NLGN4Y: variants seen among roughly 807,000 people sequenced by gnomAD.
The protein encoded by NLGN4Y is neuroligin 4 Y-linked, also known as neuroligin-4, Y-linked.
Under a neutral mutation model 8.4 loss-of-function variants are expected in NLGN4Y, and 4 were observed. The ratio of observed to expected loss-of-function variants is 0.48; its 90% CI spans 0.23 to 1.09. NLGN4Y has a LOEUF of 1.09. Among genes scored for constraint, NLGN4Y ranks in the 50% least tolerant of loss-of-function variants. NLGN4Y has a pLI of 0.19. For synonymous variants in NLGN4Y, 35 were observed against 75.6 expected, an observed-to-expected ratio of 0.46 and a Z score of 2.78; for missense variants, 90 against 192.3, an observed-to-expected ratio of 0.47 and a Z score of 3.15.
At chrY:14,700,795 C>A (rs758509759) in intron 2 of NLGN4Y, among the ~76,000 whole-genome samples, 16 of 33,251 alleles carry the variant, frequency 4.8e-4, no homozygotes, top group Non-Finnish European at 8.9e-4. Flanking sequence ...TGGAATAGTG[C>A]CTTGAATGCA....
At position 14,706,656 on chromosome Y, in the gene NLGN4Y, G is replaced by A. The variant is rs2080878932; in HGVS notation, c.473-12803G>A. ...TGCTCATTACATCAGAAAGTCCCTCGTGGAAATAGTTCCTCATAGAAAGGA... is the reference window on the plus strand; with the variant it reads ...TGCTCATTACATCAGAAAGTCCCTCATGGAAATAGTTCCTCATAGAAAGGA... On this transcript the variant is annotated intron_variant, in intron 2 of 6. Coordinates refer to ENST00000684976, the MANE Select transcript of NLGN4Y (RefSeq NM_001365588.1). Among the ~76,000 whole-genome samples, 4 of 30,377 alleles carry A rather than the reference G, an allele frequency of 1.3e-4. No individual in the cohort carries two copies. The East Asian group carries it at 2.7e-3, about 20-fold the overall frequency. The allele number at this position is 30,377 out of a possible 37,273, so 81.5% of individuals were successfully genotyped here.
chrY:14,532,256 G>A (rs2080117409), intron 1 of NLGN4Y, among the ~76,000 whole-genome samples: 1 of 32,304 alleles, frequency 3.1e-5, no homozygotes, highest in African/African-American at 1.2e-4. Context: ...CAGTGTGTTC[G>A]GGGTGGGAGG....
chrY:14,581,637 C>T, intron 1 of NLGN4Y, among the ~76,000 whole-genome samples: 1 of 33,770 alleles, frequency 3.0e-5, no homozygotes, highest in Non-Finnish European at 7.4e-5. Flanking sequence ...TTCTTGAAGG[C>T]GGTCTGTGCA....
chrY:14,783,555 G>A, intron 4 of NLGN4Y, among the ~76,000 whole-genome samples: 1 of 32,675 alleles, frequency 3.1e-5, no homozygotes, highest in Non-Finnish European at 7.5e-5. Flanking sequence ...CATATATTTA[G>A]GTTCCATATA....
At chrY:14,598,407 T>G (rs1603500985) in intron 1 of NLGN4Y, among the ~76,000 whole-genome samples, 1 of 33,148 alleles carries the variant, frequency 3.0e-5, no homozygotes. Flanking sequence ...GCTGCTGGGG[T>G]ACTCAGTATA....
At chrY:14,614,737 A>G (rs372360525) in intron 1 of NLGN4Y, among the ~76,000 whole-genome samples, 315 of 32,820 alleles carry the variant, frequency 9.6e-3, no homozygotes, top group South Asian at 0.04. Flanking sequence ...CAAACATTAG[A>G]TGGTTGTAGA....
chrY:14,546,510 T>C (rs2080172954), intron 1 of NLGN4Y, among the ~76,000 whole-genome samples: 1 of 30,000 alleles, frequency 3.3e-5, no homozygotes, highest in Non-Finnish European at 8.0e-5. Context: ...GTAAGTTGGA[T>C]TCCTAGGTAT....
Position 14,842,701 on chromosome Y carries a change from G to A in NLGN4Y, c.*1439G>A, listed in dbSNP as rs751975134. 8.2e-6 allele frequency: 1 copy of A among 121,446 alleles called. No homozygotes were observed. Among genetic ancestry groups the A allele is most frequent in the South Asian group, 3.9e-5 (1 of 25,670 alleles). The allele number at this position is 121,446 out of a possible 400,897, so 30.3% of individuals were successfully genotyped here. On this transcript the variant is annotated 3_prime_UTR_variant, in exon 7 of 7. Transcript: ENST00000684976. Reference sequence around the variant, plus strand: ...AAATAATAAATATTAAGAAGAATGGGGGAAAAAGGATAGAATATTAAAACT... The same window carrying A: ...AAATAATAAATATTAAGAAGAATGGAGGAAAAAGGATAGAATATTAAAACT...
chrY:14,741,534 A>G, intron 4 of NLGN4Y, among the ~76,000 whole-genome samples: 1 of 34,091 alleles, frequency 2.9e-5, no homozygotes, highest in East Asian at 7.8e-4. Context: ...CTTAACACCA[A>G]TCCATGCATT....
At chrY:14,810,907 C>T in intron 4 of NLGN4Y, among the ~76,000 whole-genome samples, 4 of 32,905 alleles carry the variant, frequency 1.2e-4, no homozygotes, top group Admixed American at 5.6e-4. Context: ...TCTCTATGGA[C>T]TTTGGAAACT....
chrY:14,524,127 G>A (rs758675442), upstream of NLGN4Y: 2 of 44,735 alleles, frequency 4.5e-5, no homozygotes, highest in East Asian at 1.1e-3. Context: ...CCGCTTTTCC[G>A]GAGGAGCGGA....
At chrY:14,744,431 G>A in intron 4 of NLGN4Y, among the ~76,000 whole-genome samples, 1 of 33,536 alleles carries the variant, frequency 3.0e-5, no homozygotes, top group Non-Finnish European at 7.4e-5. Flanking sequence ...GAGCCTCATT[G>A]ACAAGCACTA....
intron 1 of NLGN4Y, among the ~76,000 whole-genome samples, chrY:14,591,391 C>T: frequency 3.1e-5 from 1 of 32,626 alleles, no homozygotes; most frequent in Non-Finnish European, 7.5e-5. Context: ...ATTTTCCCAT[C>T]GGAGAAAAAA....
At chrY:14,819,689 T>A in intron 4 of NLGN4Y, among the ~76,000 whole-genome samples, 1 of 33,033 alleles carries the variant, frequency 3.0e-5, no homozygotes, top group East Asian at 8.2e-4. Context: ...AACTGAGAGG[T>A]CCTCCTGTGG....
intron 2 of NLGN4Y, among the ~76,000 whole-genome samples, chrY:14,631,837 G>C: frequency 3.0e-5 from 1 of 33,167 alleles, no homozygotes; most frequent in Non-Finnish European, 7.4e-5. Flanking sequence ...TCTCTGCTGG[G>C]CAAAGTGACT....
At chrY:14,754,707 C>T (rs936589056) in intron 4 of NLGN4Y, among the ~76,000 whole-genome samples, 6 of 33,440 alleles carry the variant, frequency 1.8e-4, no homozygotes, top group African/African-American at 7.0e-4. Context: ...AAATTTTGCT[C>T]AAGTACTGAA....
At chrY:14,768,341 C>T (rs1020588345) in intron 4 of NLGN4Y, among the ~76,000 whole-genome samples, 38 of 33,686 alleles carry the variant, frequency 1.1e-3, no homozygotes, top group Non-Finnish European at 2.9e-4. Flanking sequence ...TGTATCTCTA[C>T]ACTTTCTGCA....
At chrY:14,758,304 G>C in intron 4 of NLGN4Y, among the ~76,000 whole-genome samples, 1 of 33,607 alleles carries the variant, frequency 3.0e-5, no homozygotes, top group Admixed American at 2.7e-4. Flanking sequence ...GGAATTCAAG[G>C]TTCTTTCATT....
intron 1 of NLGN4Y, among the ~76,000 whole-genome samples, chrY:14,563,567 G>C: frequency 3.0e-5 from 1 of 33,525 alleles, no homozygotes; most frequent in Non-Finnish European, 7.4e-5. Context: ...AAATGAGTTA[G>C]GGAGGATTCC....
Sources: gnomAD v4.1 joint callset for allele counts (sites outside exome capture counted in the v4.1 genomes callset) on GRCh38, gnomAD v4.1.1 for gene constraint, MANE v1.5 for transcripts, NCBI Gene and HGNC (gene_info 2026-07-23, HGNC 2026-07-21) for gene names.